Variants in NHSL1 observed in about 807,000 individuals in gnomAD.
The protein encoded by NHSL1 is NHS-like protein 1.
In NHSL1, 48 loss-of-function variants were observed where a neutral mutation model predicts 95.0. That is an observed-to-expected ratio of 0.51 (90% CI 0.40 to 0.64). NHSL1 has a LOEUF of 0.64. Among genes scored for constraint, NHSL1 ranks in the 30% least tolerant of loss-of-function variants. The pLI is 0.00. For synonymous variants in NHSL1, 783 were observed against 833.9 expected, an observed-to-expected ratio of 0.94 and a Z score of 1.05; for missense variants, 1,971 against 2,077.7, an observed-to-expected ratio of 0.95 and a Z score of 1.00.
intron 1 of NHSL1, among the ~76,000 whole-genome samples, chr6:138,613,100 A>T (rs183017500): frequency 6.6e-6 from 1 of 152,336 alleles, no homozygotes; most frequent in East Asian, 1.9e-4. Context: ...TCTGGAGTGG[A>T]AATAAAATGA....
At chr6:138,647,879 G>T (rs879253056) in intron 1 of NHSL1, among the ~76,000 whole-genome samples, 1 of 152,126 alleles carries the variant, frequency 6.6e-6, no homozygotes, top group East Asian at 1.9e-4. Context: ...ATTACAAGGC[G>T]TGAGCCACTG....
At chr6:138,564,303 A>ATCC (rs1783524893) in intron 1 of NHSL1, among the ~76,000 whole-genome samples, 2 of 151,970 alleles carry the variant, frequency 1.3e-5, no homozygotes, top group South Asian at 2.1e-4. Context: ...CCTTTGATCC[A>ATCC]TCCTTGTTCC....
At chr6:138,574,784 C>T (rs184637372), upstream of NHSL1, among the ~76,000 whole-genome samples, 649 of 152,042 alleles carry the variant, frequency 4.3e-3, 7 homozygotes, top group African/African-American at 0.015. Context: ...CCCAGGAAAT[C>T]GAGGCTTCAG....
chr6:138,563,516 C>T (rs552515613), intron 1 of NHSL1, among the ~76,000 whole-genome samples: 6 of 152,302 alleles, frequency 3.9e-5, no homozygotes, highest in Non-Finnish European at 8.8e-5. Context: ...TTTGACTCAA[C>T]TGACTATTGA....
At position 138,478,271 on chromosome 6, in the gene NHSL1, G is replaced by C. The variant is rs57900502; in HGVS notation, c.212-4838C>G. 1.1e-4 allele frequency among the ~76,000 whole-genome samples: 17 copies of C among 151,790 alleles called. 1 individual carries two copies. Among genetic ancestry groups the C allele is most frequent in the Non-Finnish European group, 2.2e-4 (15 of 67,950 alleles). ...GCTGGGATTACAAGTGTGAACCACC[G>C]CGCTGGCCATAAAAATGTTTTAATA... is the stretch of plus-strand genomic sequence containing the variant. On this transcript the variant is annotated intron_variant, in intron 2 of 7. Transcript: ENST00000343505.
At chr6:138,530,565 A>G (rs895306434) in intron 1 of NHSL1, among the ~76,000 whole-genome samples, 1 of 152,200 alleles carries the variant, frequency 6.6e-6, no homozygotes, top group African/African-American at 2.4e-5. Flanking sequence ...AGAAAATCTG[A>G]TATATATACA....
intron 1 of NHSL1, among the ~76,000 whole-genome samples, chr6:138,683,008 G>A (rs1562412134): frequency 6.6e-6 from 1 of 152,188 alleles, no homozygotes; most frequent in African/African-American, 2.4e-5. Flanking sequence ...AGGCACAAGC[G>A]ACAGCTCTCC....
At chr6:138,464,653 G>A (rs1026968337) in intron 3 of NHSL1, among the ~76,000 whole-genome samples, 2 of 150,254 alleles carry the variant, frequency 1.3e-5, no homozygotes, top group South Asian at 2.1e-4. Context: ...GTGTGTTTTC[G>A]CTGTTTGGAA....
chr6:138,514,062 ATC>A (rs1781349679), intron 1 of NHSL1, among the ~76,000 whole-genome samples: 4 of 152,176 alleles, frequency 2.6e-5, no homozygotes, highest in African/African-American at 9.7e-5. Flanking sequence ...CACGCCTGTA[ATC>A]TCAGCACTTT....
At chr6:138,560,546 G>A (rs1783373133) in intron 1 of NHSL1, among the ~76,000 whole-genome samples, 1 of 152,184 alleles carries the variant, frequency 6.6e-6, no homozygotes, top group African/African-American at 2.4e-5. Context: ...GCAATGAAAT[G>A]ACTTTACGGT....
At chr6:138,453,489 G>A (rs1026568966) in intron 3 of NHSL1, among the ~76,000 whole-genome samples, 2 of 151,428 alleles carry the variant, frequency 1.3e-5, no homozygotes, top group Admixed American at 1.3e-4. Context: ...CAAGTAGCTG[G>A]GAGTATGGAT....
rs1003363839 is a variant in NHSL1 at position 138,571,941 on chromosome 6, A to G, written c.-30T>C. On this transcript the variant is annotated 5_prime_UTR_variant, in exon 1 of 7. Coordinates refer to the NHSL1 transcript ENST00000427025. ...TTTTCAAAATCAACTAGAGACAAAG[A>G]ACAGCCCAGCAAACAAAACGCTGGG... is the stretch of plus-strand genomic sequence containing the variant. 1.9e-6 allele frequency: 3 copies of G among 1,543,676 alleles called. No homozygotes were observed. The African/African-American group carries it at 4.1e-5, about 21-fold the overall frequency.
At chr6:138,494,164 G>C (rs1389254587) in intron 2 of NHSL1, among the ~76,000 whole-genome samples, 3 of 152,160 alleles carry the variant, frequency 2.0e-5, no homozygotes, top group African/African-American at 7.2e-5. Context: ...CTCTCTCCAA[G>C]CAGAAGTTAT....
chr6:138,613,692 T>C (rs1784543688), intron 1 of NHSL1, among the ~76,000 whole-genome samples: 2 of 152,126 alleles, frequency 1.3e-5, no homozygotes, highest in Admixed American at 1.3e-4. Flanking sequence ...CCTCCAGGTG[T>C]TCCCCCAAAG....
chr6:138,562,501 C>T (rs1266477912), intron 1 of NHSL1, among the ~76,000 whole-genome samples: 1 of 151,958 alleles, frequency 6.6e-6, no homozygotes, highest in Non-Finnish European at 1.5e-5. Context: ...ACAACAACCA[C>T]CACAACAAAA....
chr6:138,581,147 G>A (rs1784049580), intron 1 of NHSL1, among the ~76,000 whole-genome samples: 1 of 152,166 alleles, frequency 6.6e-6, no homozygotes, highest in Non-Finnish European at 1.5e-5. Flanking sequence ...AGTTTGTGGT[G>A]GTTTTTAGAG....
At chr6:138,474,621 T>C (rs76940288) in intron 2 of NHSL1, among the ~76,000 whole-genome samples, 1 of 152,196 alleles carries the variant, frequency 6.6e-6, no homozygotes. Context: ...ATGTTAATCA[T>C]AAAATAGCTA....
chr6:138,459,854 A>G (rs995222597), intron 3 of NHSL1, among the ~76,000 whole-genome samples: 6 of 152,202 alleles, frequency 3.9e-5, no homozygotes, highest in African/African-American at 1.4e-4. Flanking sequence ...TTATTAATAT[A>G]TAATTAGATT....
At chr6:138,682,114 C>A (rs149657329) in intron 1 of NHSL1, among the ~76,000 whole-genome samples, 43 of 152,058 alleles carry the variant, frequency 2.8e-4, no homozygotes, top group African/African-American at 1.0e-3. Context: ...CCCGAGATTA[C>A]AGGCACCTGC....
Sources: allele counts gnomAD v4.1 joint callset (sites outside exome capture counted in the v4.1 genomes callset), GRCh38; gene constraint gnomAD v4.1.1; transcripts MANE v1.5; gene names NCBI Gene and HGNC (gene_info 2026-07-23, HGNC 2026-07-21).